The following ERI1 variants were observed in gnomAD, a reference collection of about 807,000 sequenced individuals.
The protein encoded by ERI1 is exoribonuclease 1, also known as 3'-5' exoribonuclease 1.
A neutral mutation model predicts 39.7 loss-of-function variants in ERI1; 39 were observed. The observed-to-expected ratio is 0.98, with a 90% CI of 0.76 to 1.28. The LOEUF (loss-of-function observed/expected upper bound fraction) is 1.28. Ranked by LOEUF, ERI1 falls within the 50% of genes most tolerant of loss-of-function variation. The pLI is 0.00. For synonymous variants in ERI1, 204 were observed against 149.6 expected, an observed-to-expected ratio of 1.36 and a Z score of -2.65; for missense variants, 581 against 416.9, an observed-to-expected ratio of 1.39 and a Z score of -3.43.
chr8:9,069,169 A>C (rs1449726534), intron 3 of ERI1, among the ~76,000 whole-genome samples: 2 of 152,198 alleles, frequency 1.3e-5, no homozygotes, highest in Non-Finnish European at 2.9e-5. Context: ...AACGGTTTGA[A>C]CATCTTGATC....
intron 6 of ERI1, among the ~76,000 whole-genome samples, chr8:9,021,592 C>T (rs1817898063): frequency 6.6e-6 from 1 of 152,110 alleles, no homozygotes; most frequent in Non-Finnish European, 1.5e-5. Flanking sequence ...TTGTAACTTC[C>T]ACCCACTTAA....
intron 6 of ERI1, among the ~76,000 whole-genome samples, chr8:9,021,187 C>A (rs1355776674): frequency 6.6e-6 from 1 of 152,128 alleles, no homozygotes; most frequent in African/African-American, 2.4e-5. Flanking sequence ...TAATTTACTT[C>A]CGCGGTTGTT....
At chr8:9,094,332 G>C (rs940652739) in intron 3 of ERI1, among the ~76,000 whole-genome samples, 35 of 152,210 alleles carry the variant, frequency 2.3e-4, no homozygotes, top group African/African-American at 8.2e-4. Flanking sequence ...TCTCAGTGCA[G>C]ACTTGGGCAG....
intron 3 of ERI1, among the ~76,000 whole-genome samples, chr8:9,074,767 T>C (rs1032111614): frequency 6.6e-6 from 1 of 152,226 alleles, no homozygotes; most frequent in African/African-American, 2.4e-5. Context: ...TGCATTTATA[T>C]GGGAACTTCC....
intron 6 of ERI1, 146 bp from the exon 7 acceptor site, chr8:9,029,646 C>T (rs1002936948): frequency 8.1e-6 from 8 of 988,506 alleles, no homozygotes; most frequent in Non-Finnish European, 1.2e-5. Context: ...TTTTTATTTG[C>T]CTTATTTGAG....
rs758835506 is a variant in ERI1, at chr8:9,015,722, C to CAAAAA, written c.499-585_499-581dup. Among the ~76,000 whole-genome samples, 63 of 56,342 alleles carry CAAAAA rather than the reference C, an allele frequency of 1.1e-3. 1 individual carries two copies. The highest frequency in any genetic ancestry group is 2.4e-3 in the African/African-American group (29 of 12,204). The allele number at this position is 56,342 out of a possible 152,430, so 37.0% of individuals were successfully genotyped here. ...GGGAGACAGAGCGAGACTCTGTCTC[C>CAAAAA]AAAAAAAAAAAAAAAAAAAGAGACC... On this transcript the variant is annotated intron_variant, in intron 3 of 6. Coordinates refer to ENST00000250263, the MANE Select transcript of ERI1 (RefSeq NM_153332.4).
chr8:9,017,328 A>T (rs1218007112), intron 4 of ERI1, among the ~76,000 whole-genome samples: 2 of 152,116 alleles, frequency 1.3e-5, no homozygotes, highest in Non-Finnish European at 2.9e-5. Flanking sequence ...ATGAGCCACC[A>T]CACCTAGCCT....
chr8:9,029,537 G>T (rs574522389), intron 6 of ERI1, among the ~76,000 whole-genome samples: 5 of 152,040 alleles, frequency 3.3e-5, no homozygotes, highest in African/African-American at 9.7e-5. Flanking sequence ...CACCATGTTC[G>T]CCAGGCTGGT....
chr8:9,005,769 C>T (rs1423364025), intron 1 of ERI1, among the ~76,000 whole-genome samples: 3 of 152,216 alleles, frequency 2.0e-5, no homozygotes, highest in African/African-American at 7.2e-5. Context: ...GCTGGGATTA[C>T]AGGCGTGAGC....
rs936372675 is a variant in ERI1, at chr8:9,003,040, C to G, written c.-24C>G. The G allele has an allele frequency of 3.2e-6, 4 of 1,234,996 alleles. No homozygotes were observed. Among genetic ancestry groups the G allele is most frequent in the Non-Finnish European group, 4.1e-6 (4 of 977,152 alleles). 76.5% of individuals were successfully genotyped at this position (1,234,996 alleles called of 1,614,324 possible). A position where few individuals can be genotyped will look rare whatever the true frequency, so the allele number is the denominator to read the frequency against. ...GTTAGCAAGTGTCCGGCTCCAGCAA[C>G]TCTCCTCTGGCGTGACAGCCGGCAT... is the stretch of plus-strand genomic sequence containing the variant. On this transcript the variant is annotated 5_prime_UTR_variant, in exon 1 of 7. Coordinates refer to ENST00000250263, the MANE Select transcript of ERI1 (RefSeq NM_153332.4).
chr8:9,024,335 A>G (rs919158015), intron 6 of ERI1, among the ~76,000 whole-genome samples: 11 of 152,248 alleles, frequency 7.2e-5, no homozygotes, highest in Non-Finnish European at 1.3e-4. Flanking sequence ...TGCGTGGCAT[A>G]TCAAGCGCAA....
chr8:9,006,789 C>G (rs1816064625), intron 1 of ERI1, among the ~76,000 whole-genome samples: 1 of 152,102 alleles, frequency 6.6e-6, no homozygotes, highest in Non-Finnish European at 1.5e-5. Flanking sequence ...ATGGGTGAGT[C>G]ACTCTTGAGT....
downstream of ERI1, among the ~76,000 whole-genome samples, chr8:9,033,977 T>G (rs1797753305): frequency 6.6e-6 from 1 of 152,270 alleles, no homozygotes; most frequent in Non-Finnish European, 1.5e-5. Context: ...ACTTCTAATG[T>G]GACCAGCTGT....
Position 9,053,789 on chromosome 8 carries a change from G to T in ERI1, n.299+33325G>T, listed in dbSNP as rs528108487. On this transcript the variant is annotated intron_variant and non_coding_transcript_variant, in intron 3 of 3. Coordinates refer to the ERI1 transcript ENST00000518663. ...ACCCAGTGAATGTTAGAGAATTGAT[G>T]TTGAAACCCTAAGAACTTTGGAGGA... 1.8e-4 allele frequency among the ~76,000 whole-genome samples: 28 copies of T among 152,318 alleles called. No individual in the cohort carries two copies. The South Asian group carries it at 4.1e-3, about 23-fold the overall frequency.
chr8:9,030,688 C>A lies in ERI1; in HGVS notation c.*654C>A, dbSNP rs1033356768. On this transcript the variant is annotated 3_prime_UTR_variant, in exon 7 of 7. Coordinates refer to ENST00000250263, the MANE Select transcript of ERI1 (RefSeq NM_153332.4). ...TAGAAGAAAGTACTAAAAGGAATAT[C>A]ATAAGGGCTGTAGCTCAAACTTCAT... 1 of 152,382 alleles carries A rather than the reference C, an allele frequency of 6.6e-6. No homozygotes were observed. Among genetic ancestry groups the A allele is most frequent in the East Asian group, 1.9e-4 (1 of 5,192 alleles). 9.4% of individuals were successfully genotyped at this position (152,382 alleles called of 1,614,324 possible). A position where few individuals can be genotyped will look rare whatever the true frequency, so the allele number is the denominator to read the frequency against.
intron 3 of ERI1, among the ~76,000 whole-genome samples, chr8:9,092,880 T>C (rs1799751949): frequency 6.6e-6 from 1 of 152,214 alleles, no homozygotes; most frequent in Admixed American, 6.5e-5. Flanking sequence ...TCGGCAGGGT[T>C]GGTTCCTTCT....
chr8:9,044,538 C>T (rs1021743085), intron 3 of ERI1, among the ~76,000 whole-genome samples: 5 of 152,102 alleles, frequency 3.3e-5, no homozygotes, highest in African/African-American at 1.2e-4. Flanking sequence ...GAAATAATTA[C>T]AATCCATGAT....
chr8:9,051,994 A>T (rs1210201118), intron 3 of ERI1, among the ~76,000 whole-genome samples: 3 of 152,244 alleles, frequency 2.0e-5, no homozygotes, highest in African/African-American at 7.2e-5. Flanking sequence ...TTGCTCTGTT[A>T]AACGGGGGCA....
chr8:9,039,218 A>G (rs1434664212), intron 3 of ERI1, among the ~76,000 whole-genome samples: 1 of 152,208 alleles, frequency 6.6e-6, no homozygotes, highest in African/African-American at 2.4e-5. Context: ...CCAACCTGTT[A>G]CTTTCAAAAC....
Sources: gnomAD v4.1 joint callset for allele counts (sites outside exome capture counted in the v4.1 genomes callset) on GRCh38, gnomAD v4.1.1 for gene constraint, MANE v1.5 for transcripts, NCBI Gene and HGNC (gene_info 2026-07-23, HGNC 2026-07-21) for gene names.